CAMTA1: variants seen among roughly 807,000 people sequenced by gnomAD.
The protein encoded by CAMTA1 is calmodulin-binding transcription activator 1.
In CAMTA1, 27 loss-of-function variants were observed where a neutral mutation model predicts 170.9. The ratio of observed to expected loss-of-function variants is 0.16; its 90% CI spans 0.12 to 0.22. The LOEUF is 0.22. Among genes scored for constraint, CAMTA1 ranks in the 10% least tolerant of loss-of-function variants. The pLI, the probability that CAMTA1 is intolerant of heterozygous loss-of-function variation, is 1.00. For missense variants in CAMTA1, 1,619 were observed against 2,217.2 expected (o/e 0.73, Z 5.42); for synonymous variants, 833 against 891.5 (o/e 0.93, Z 1.17).
chr1:6,820,702 TTG>T (rs1557625515), intron 2 of CAMTA1, among the ~76,000 whole-genome samples: 1 of 152,190 alleles, frequency 6.6e-6, no homozygotes, highest in Non-Finnish European at 1.5e-5. Flanking sequence ...AATTAAGCCC[TTG>T]TGTTTTATCG....
At chr1:7,414,304 T>A in intron 5 of CAMTA1, among the ~76,000 whole-genome samples, 1 of 152,230 alleles carries the variant, frequency 6.6e-6, no homozygotes, top group African/African-American at 2.4e-5. Flanking sequence ...CCTCTTTTTC[T>A]ATTGATTGGA....
chr1:7,417,033 C>A (rs1305979837), intron 5 of CAMTA1, among the ~76,000 whole-genome samples: 1 of 152,250 alleles, frequency 6.6e-6, no homozygotes, highest in Non-Finnish European at 1.5e-5. Flanking sequence ...ACTCCAGATC[C>A]TGTTTGCCTG....
rs575310822 is a variant in CAMTA1 at position 7,019,884 on chromosome 1, G to A, written c.235-71420G>A. Among the ~76,000 whole-genome samples the A allele has an allele frequency of 9.2e-5, 14 of 152,332 alleles. No homozygotes were observed. The East Asian group carries it at 9.6e-4, about 10-fold the overall frequency. On this transcript the variant is annotated intron_variant, in intron 3 of 22. Coordinates refer to ENST00000303635, the MANE Select transcript of CAMTA1 (RefSeq NM_015215.4). ...AGCTCTCATGGAAGCAGTGTTTTGC[G>A]ATGAAGTCTTGGAAGCCAACAGCTC... is the stretch of plus-strand genomic sequence containing the variant.
chr1:7,026,333 A>G (rs74051085), intron 3 of CAMTA1, among the ~76,000 whole-genome samples: 2,648 of 151,816 alleles, frequency 0.017, 85 homozygotes, highest in African/African-American at 0.059. Flanking sequence ...CTTCATCATG[A>G]TATTCCTATA....
rs796130072 is a variant in CAMTA1 at position 7,118,155 on chromosome 1, G to C, written c.302+26784G>C. On this transcript the variant is annotated intron_variant, in intron 4 of 22. Transcript: ENST00000303635. ...TCTATTGATGGGTACAGCCAGCTCT[G>C]ATTGCTGGGAAAATAGTTTCTAGAT... Among the ~76,000 whole-genome samples the C allele has an allele frequency of 7.2e-5, 11 of 152,178 alleles. No individual in the cohort carries two copies. In the East Asian group the frequency reaches 1.7e-3, roughly 24 times the overall value.
At chr1:7,604,492 T>G (rs968157127) in intron 6 of CAMTA1, among the ~76,000 whole-genome samples, 7 of 152,260 alleles carry the variant, frequency 4.6e-5, no homozygotes, top group African/African-American at 1.7e-4. Flanking sequence ...GGCTTGTGCA[T>G]TCATCACATA....
chr1:7,026,496 A>G (rs1702039067), intron 3 of CAMTA1, among the ~76,000 whole-genome samples: 2 of 152,214 alleles, frequency 1.3e-5, no homozygotes, highest in African/African-American at 4.8e-5. Context: ...ATTCTGATAT[A>G]AACTAAGACT....
chr1:7,335,611 C>G (rs1574759463), intron 5 of CAMTA1, among the ~76,000 whole-genome samples: 1 of 152,126 alleles, frequency 6.6e-6, no homozygotes, highest in South Asian at 2.1e-4. Flanking sequence ...AAAACCCAGG[C>G]AGGGCTTTCA....
intron 11 of CAMTA1, among the ~76,000 whole-genome samples, chr1:7,718,010 G>A (rs2096623564): frequency 6.6e-6 from 1 of 152,226 alleles, no homozygotes; most frequent in African/African-American, 2.4e-5. Flanking sequence ...TGACTGGGAT[G>A]AACGTAGTCA....
chr1:7,254,054 G>A (rs898678557), intron 5 of CAMTA1, among the ~76,000 whole-genome samples: 2 of 152,114 alleles, frequency 1.3e-5, no homozygotes, highest in African/African-American at 2.4e-5. Flanking sequence ...ACCTGAGGCC[G>A]ACTTGGCCTG....
At chr1:7,000,981 G>A (rs142566682) in intron 3 of CAMTA1, among the ~76,000 whole-genome samples, 12 of 152,222 alleles carry the variant, frequency 7.9e-5, no homozygotes, top group East Asian at 1.9e-4. Flanking sequence ...TTCCCACACC[G>A]ATAGGAAAAA....
rs116491868 is a variant in CAMTA1, at chr1:7,610,423, A to G, written c.511-29977A>G. Among the ~76,000 whole-genome samples, 382 of 152,290 alleles carry G rather than the reference A, an allele frequency of 2.5e-3. 2 individuals carry two copies. The highest frequency in any genetic ancestry group is 7.9e-3 in the African/African-American group (327 of 41,550). ...CAAATGAAGGGAATTCCTAGTGTTG[A>G]GCACTAGGAATGCAATCCCAAACAA... On this transcript the variant is annotated intron_variant, in intron 6 of 22. Transcript: ENST00000303635.
intron 5 of CAMTA1, among the ~76,000 whole-genome samples, chr1:7,390,952 A>G (rs566887597): frequency 3.3e-5 from 5 of 151,946 alleles, no homozygotes; most frequent in Non-Finnish European, 7.4e-5. Flanking sequence ...TGGTGCATCC[A>G]GCTGGTTCCT....
chr1:6,964,384 C>T (rs539369456), intron 3 of CAMTA1, among the ~76,000 whole-genome samples: 94 of 152,182 alleles, frequency 6.2e-4, no homozygotes, highest in African/African-American at 2.2e-3. Flanking sequence ...TGTACAGGGG[C>T]ACAACGTGAT....
At chr1:6,872,044 T>C (rs1668541580) in intron 3 of CAMTA1, 1 of 1,022,102 alleles carries the variant, frequency 9.8e-7, no homozygotes. Flanking sequence ...TTTCATCCTT[T>C]TAAAATTTAA....
intron 1 of CAMTA1, among the ~76,000 whole-genome samples, chr1:6,797,162 C>T (rs997270884): frequency 4.0e-5 from 6 of 151,724 alleles, no homozygotes; most frequent in African/African-American, 1.5e-4. Flanking sequence ...CTCCACTTCT[C>T]GGGCCTAAGC....
At chr1:7,270,946 C>T (rs1237299380) in intron 5 of CAMTA1, among the ~76,000 whole-genome samples, 1 of 152,136 alleles carries the variant, frequency 6.6e-6, no homozygotes, top group Non-Finnish European at 1.5e-5. Flanking sequence ...CAAAGAAGAA[C>T]ACAGATCTTA....
chr1:7,280,588 T>C (rs931629743), intron 5 of CAMTA1, among the ~76,000 whole-genome samples: 5 of 152,248 alleles, frequency 3.3e-5, no homozygotes, highest in East Asian at 1.9e-4. Flanking sequence ...ATAATTGCCA[T>C]GTGGCACCGG....
intron 3 of CAMTA1, among the ~76,000 whole-genome samples, chr1:7,083,984 C>T (rs1402064946): frequency 1.3e-5 from 2 of 151,608 alleles, no homozygotes; most frequent in African/African-American, 4.8e-5. Context: ...CCTTTATTCC[C>T]CCTCCTCAGC....
Sources: allele counts gnomAD v4.1 joint callset (sites outside exome capture counted in the v4.1 genomes callset), GRCh38; gene constraint gnomAD v4.1.1; transcripts MANE v1.5; gene names NCBI Gene and HGNC (gene_info 2026-07-23, HGNC 2026-07-21).